The following GTF3C1 variants were observed in gnomAD, a reference collection of about 807,000 sequenced individuals.
The protein encoded by GTF3C1 is general transcription factor IIIC subunit 1.
GTF3C1 carries 57 observed loss-of-function variants against 226.7 expected under a neutral mutation model. The observed-to-expected ratio is 0.25, with a 90% CI of 0.20 to 0.31. The LOEUF is 0.31. GTF3C1 is among the 10% of genes least tolerant of loss of function. GTF3C1 has a pLI of 1.00. For synonymous variants in GTF3C1, 1,090 were observed against 1,084.8 expected (o/e 1.00, Z -0.09); for missense variants, 2,217 against 2,776.1 (o/e 0.80, Z 4.53).
At chr16:27,534,043 A>G (rs1409800698) in intron 4 of GTF3C1, among the ~76,000 whole-genome samples, 4 of 152,144 alleles carry the variant, frequency 2.6e-5, no homozygotes, top group Non-Finnish European at 5.9e-5. Context: ...GTGAGGAAGG[A>G]TGGGGGTTAT....
At chr16:27,480,782 GTTAC>G (rs1405014810) in intron 27 of GTF3C1, 6 of 352,998 alleles carry the variant, frequency 1.7e-5, no homozygotes, top group African/African-American at 1.2e-4. Flanking sequence ...CCTTGGGCAC[GTTAC>G]TTACATAGGA....
At chr16:27,468,572 A>G (rs1315032887) in intron 32 of GTF3C1, among the ~76,000 whole-genome samples, 1 of 152,130 alleles carries the variant, frequency 6.6e-6, no homozygotes, top group African/African-American at 2.4e-5. Context: ...TCATCGTGCC[A>G]CTGCACTCCA....
chr16:27,514,912 C>T (rs899002208), intron 6 of GTF3C1, among the ~76,000 whole-genome samples: 8 of 152,062 alleles, frequency 5.3e-5, no homozygotes, highest in Non-Finnish European at 1.0e-4. Flanking sequence ...GCGCCAGGGA[C>T]GCTGGCTTCT....
At chr16:27,465,755 C>G (rs1347595509) in intron 32 of GTF3C1, 1 of 577,990 alleles carries the variant, frequency 1.7e-6, no homozygotes, top group South Asian at 2.1e-5. Flanking sequence ...GACTGGGACA[C>G]AACAGCTGAC....
rs2087722824 is a variant in GTF3C1 at position 27,462,597 on chromosome 16, G to A, written c.5925-111C>T. The A allele has an allele frequency of 1.4e-6, 1 of 733,120 alleles. No individual in the cohort carries two copies. Among genetic ancestry groups the A allele is most frequent in the Non-Finnish European group, 2.3e-6 (1 of 434,514 alleles). 45.4% of individuals were successfully genotyped at this position (733,120 alleles called of 1,614,324 possible). A position where few individuals can be genotyped will look rare whatever the true frequency, so the allele number is the denominator to read the frequency against. On this transcript the variant is annotated intron_variant, in intron 35 of 36. Transcript: ENST00000356183. This position sits in a 1 kb window ranked among gnomAD's most constrained non-coding sequence, Gnocchi z 4.5. The stretch of plus-strand genomic sequence containing the variant: ...TAGGCCTGGCCCAGGTCACAGGGCT[G>A]AGACCAGCCACCTCTTGCTCTCTGC...
chr16:27,495,283 A>G lies in GTF3C1; in HGVS notation c.2560T>C (p.Ser854Pro). Residue 854 changes from serine to proline, a missense_variant, in exon 15 of 37, where the codon TCT becomes CCT. Physicochemically the swap from Ser to Pro is moderately conservative, Grantham distance 74. Coordinates refer to ENST00000356183, the MANE Select transcript of GTF3C1 (RefSeq NM_001520.4). ...SSSGSAWEAC[S>P]EAPSKGSQDG... ...TGGCTGCCTTTAGATGGGGCTTCAG[A>G]GCAGGCCTCCCAGGCACTTCCAGAG... is the stretch of plus-strand genomic sequence containing the variant. 3 of 1,613,430 alleles carry G rather than the reference A, an allele frequency of 1.9e-6. No homozygotes were observed. The highest frequency in any genetic ancestry group is 2.5e-6 in the Non-Finnish European group (3 of 1,179,480).
At chr16:27,518,969 TGAC>T (rs2088704357) in intron 6 of GTF3C1, among the ~76,000 whole-genome samples, 1 of 152,246 alleles carries the variant, frequency 6.6e-6, no homozygotes, top group Admixed American at 6.5e-5. Context: ...TCTGGTTGGC[TGAC>T]TACTAGCAGA....
At chr16:27,496,317 G>C (rs939328707) in intron 14 of GTF3C1, among the ~76,000 whole-genome samples, 3 of 152,158 alleles carry the variant, frequency 2.0e-5, no homozygotes, top group African/African-American at 2.4e-5. Context: ...TTTATAATAA[G>C]AACGACCTAA....
chr16:27,503,744 T>C (rs536751603), intron 10 of GTF3C1, among the ~76,000 whole-genome samples: 1 of 152,336 alleles, frequency 6.6e-6, no homozygotes, highest in Admixed American at 6.5e-5. Flanking sequence ...GAACCCTATA[T>C]GGAAAAGAAA....
chr16:27,465,282 C>T lies in GTF3C1; in HGVS notation c.5333G>A (p.Arg1778Lys). 1 of 1,614,178 alleles carries T rather than the reference C, an allele frequency of 6.2e-7. No individual in the cohort carries two copies. The highest frequency in any genetic ancestry group is 8.5e-7 in the Non-Finnish European group (1 of 1,180,028). Residue 1778 changes from arginine (R) to lysine (K), a missense_variant, in exon 33 of 37, where the codon AGG becomes AAG. Coordinates refer to ENST00000356183, the MANE Select transcript of GTF3C1 (RefSeq NM_001520.4). Reference sequence around the variant, plus strand: ...CACCTGGATGCAATCTGCGAATGTCCTGGTGCGCCCACCACCTGCCTTCTC... The same window carrying T: ...CACCTGGATGCAATCTGCGAATGTCTTGGTGCGCCCACCACCTGCCTTCTC... ...ALEKAGGGRT[R>K]TFADCIQALL...
chr16:27,503,207 C>T (rs923498250), intron 10 of GTF3C1, among the ~76,000 whole-genome samples: 4 of 152,166 alleles, frequency 2.6e-5, no homozygotes, highest in African/African-American at 7.2e-5. Context: ...CAGAGGACCC[C>T]GGACCACTTT....
At chr16:27,508,398 C>T in intron 8 of GTF3C1, 142 bp downstream of exon 8, 1 of 627,276 alleles carries the variant, frequency 1.6e-6, no homozygotes. Flanking sequence ...TGGCTATGGA[C>T]TGCACTCAGC....
Position 27,463,965 on chromosome 16 carries a change from A to C in GTF3C1, c.5872+355T>G, listed in dbSNP as rs117167007. 70 of 423,574 alleles carry C rather than the reference A, an allele frequency of 1.7e-4. No homozygotes were observed. The East Asian group carries it at 1.9e-3, about 12-fold the overall frequency. 26.2% of individuals were successfully genotyped at this position (423,574 alleles called of 1,614,324 possible). ...AAGCCACATGAGAAGGCCGCTGCTG[A>C]TGACAGACGTGCAGGAAAGGAAAGG... On this transcript the variant is annotated intron_variant, in intron 34 of 36. Coordinates refer to ENST00000356183, the MANE Select transcript of GTF3C1 (RefSeq NM_001520.4). The surrounding 1 kb of genome is among the most constrained non-coding windows in gnomAD (Gnocchi z 4.9).
chr16:27,495,997 T>A (rs2088310264), intron 14 of GTF3C1, among the ~76,000 whole-genome samples: 1 of 152,208 alleles, frequency 6.6e-6, no homozygotes, highest in African/African-American at 2.4e-5. Flanking sequence ...CATGTTGGCA[T>A]GTGATCCTCG....
intron 16 of GTF3C1, 54 bp downstream of exon 16, chr16:27,494,709 T>G: frequency 7.1e-7 from 1 of 1,415,008 alleles, no homozygotes; most frequent in Non-Finnish European, 1.0e-6. Flanking sequence ...GTGTAGGCCC[T>G]CCAGCCCAGA....
chr16:27,534,895 ATATAT>A (rs2088977449), intron 4 of GTF3C1, among the ~76,000 whole-genome samples: 1 of 151,904 alleles, frequency 6.6e-6, no homozygotes, highest in African/African-American at 2.4e-5. Flanking sequence ...ATATATAAAA[ATATAT>A]TAGAATTGTT....
chr16:27,545,583 G>T (rs1596667544), intron 1 of GTF3C1, 60 bp from the exon 2 acceptor site: 1 of 1,001,002 alleles, frequency 1.0e-6, no homozygotes, highest in East Asian at 2.4e-5. Context: ...TGTGTGCTTG[G>T]CTGTGTTCTT....
intron 2 of GTF3C1, among the ~76,000 whole-genome samples, chr16:27,542,242 C>G (rs2089095859): frequency 6.6e-6 from 1 of 152,142 alleles, no homozygotes; most frequent in African/African-American, 2.4e-5. Flanking sequence ...TGAGGCTTGT[C>G]CACACCAAAA....
At chr16:27,546,005 C>T (rs1209260987) in intron 1 of GTF3C1, among the ~76,000 whole-genome samples, 4 of 152,124 alleles carry the variant, frequency 2.6e-5, no homozygotes, top group African/African-American at 7.2e-5. Context: ...TGTGCCACCA[C>T]GCCCGGCTAA....
Sources: gnomAD v4.1 joint callset for allele counts (sites outside exome capture counted in the v4.1 genomes callset) on GRCh38, gnomAD v4.1.1 for gene constraint, Gnocchi (gnomAD v3.1) non-coding constraint, MANE v1.5 for transcripts, NCBI Gene and HGNC (gene_info 2026-07-23, HGNC 2026-07-21) for gene names.